ADGRG6: variants seen among roughly 807,000 people sequenced by gnomAD.
ADGRG6 encodes the protein G-protein coupled receptor 126.
In ADGRG6, 84 loss-of-function variants were observed where a neutral mutation model predicts 142.4. The observed-to-expected ratio is 0.59, with a 90% CI of 0.49 to 0.71. The LOEUF (loss-of-function observed/expected upper bound fraction) is 0.71, where lower values mean the gene tolerates loss of function less well. ADGRG6 is among the 30% of genes least tolerant of loss of function. The pLI, the probability that ADGRG6 is intolerant of heterozygous loss-of-function variation, is 0.00. For synonymous variants in ADGRG6, 521 were observed against 520.5 expected, an observed-to-expected ratio of 1.00 and a Z score of -0.01; for missense variants, 1,367 against 1,466.6, an observed-to-expected ratio of 0.93 and a Z score of 1.11.
intron 5 of ADGRG6, among the ~76,000 whole-genome samples, chr6:142,383,208 T>G (rs749377774): frequency 6.6e-6 from 1 of 152,224 alleles, no homozygotes; most frequent in Non-Finnish European, 1.5e-5. Context: ...CATCAATGTT[T>G]AGTAAACTTT....
intron 18 of ADGRG6, among the ~76,000 whole-genome samples, chr6:142,414,501 G>T (rs1278801612): frequency 2.0e-5 from 3 of 152,170 alleles, no homozygotes; most frequent in Non-Finnish European, 4.4e-5. Flanking sequence ...CACAGCACCA[G>T]CACCAGCCTC....
intron 2 of ADGRG6, among the ~76,000 whole-genome samples, chr6:142,334,449 C>T (rs1562318506): frequency 1.3e-5 from 2 of 152,318 alleles, no homozygotes; most frequent in East Asian, 3.9e-4. Flanking sequence ...TGTTACCTAA[C>T]TCTCCACACG....
At position 142,356,702 on chromosome 6, in the gene ADGRG6, C is replaced by G. The variant is rs1470429972; in HGVS notation, c.104-10867C>G. On this transcript the variant is annotated intron_variant, in intron 2 of 24. Transcript: ENST00000367609. ...TAGAGCCAAAAGGGATTTTTTTTTT[C>G]TTCAGATGTGGAAATCAGAACCTCG... 2.0e-5 allele frequency among the ~76,000 whole-genome samples: 3 copies of G among 147,314 alleles called. No individual in the cohort carries two copies. The East Asian group carries it at 6.0e-4, about 29-fold the overall frequency.
rs73777183 is a variant in ADGRG6 at position 142,361,923 on chromosome 6, A to C, written c.104-5646A>C. Reference sequence around the variant, plus strand: ...GCATACCCATGTGCTTGTGTGTCTAAGCCTCTTGCAAGTGATGTATATCTA... The same window carrying C: ...GCATACCCATGTGCTTGTGTGTCTACGCCTCTTGCAAGTGATGTATATCTA... On this transcript the variant is annotated intron_variant, in intron 2 of 24. Coordinates refer to ENST00000367609, the MANE Select transcript of ADGRG6 (RefSeq NM_198569.3). 1.4e-3 allele frequency among the ~76,000 whole-genome samples: 217 copies of C among 152,190 alleles called. 1 individual carries two copies. The highest frequency in any genetic ancestry group is 5.1e-3 in the African/African-American group (210 of 41,530).
At chr6:142,387,357 G>A (rs577026696) in intron 6 of ADGRG6, among the ~76,000 whole-genome samples, 1 of 152,276 alleles carries the variant, frequency 6.6e-6, no homozygotes, top group East Asian at 1.9e-4. Flanking sequence ...TAGTTTACAA[G>A]TAAGTACAGA....
intron 7 of ADGRG6, among the ~76,000 whole-genome samples, chr6:142,392,740 A>G (rs781431328): frequency 9.9e-4 from 150 of 152,084 alleles, no homozygotes; most frequent in Non-Finnish European, 1.7e-3. Context: ...GGTTGTTGTG[A>G]GGATTGAAAG....
At chr6:142,431,632 T>A (rs1336933142) in intron 22 of ADGRG6, among the ~76,000 whole-genome samples, 1 of 151,758 alleles carries the variant, frequency 6.6e-6, no homozygotes, top group Non-Finnish European at 1.5e-5. Flanking sequence ...GGGAAAAAAA[T>A]GATAGAAAGA....
At chr6:142,322,753 A>G (rs888209427) in intron 2 of ADGRG6, among the ~76,000 whole-genome samples, 7 of 152,120 alleles carry the variant, frequency 4.6e-5, no homozygotes, top group Non-Finnish European at 1.0e-4. Context: ...TTTTTATTGT[A>G]TGCTTACTTG....
chr6:142,390,361 T>A lies in ADGRG6; in HGVS notation c.1308+18T>A. 6.8e-7 allele frequency: 1 copy of A among 1,472,206 alleles called. No individual in the cohort carries two copies. The highest frequency in any genetic ancestry group is 9.4e-7 in the Non-Finnish European group (1 of 1,066,344). 91.2% of individuals were successfully genotyped at this position (1,472,206 alleles called of 1,614,324 possible). A position where few individuals can be genotyped will look rare whatever the true frequency, so the allele number is the denominator to read the frequency against. On this transcript the variant is annotated intron_variant, in intron 7 of 24. Transcript: ENST00000367609. ...CAGAATGGGTAAGTGAGCTTGTAACTTTTCTTTTTTAAAAAAATTCTTTAA... is the reference window on the plus strand; with the variant it reads ...CAGAATGGGTAAGTGAGCTTGTAACATTTCTTTTTTAAAAAAATTCTTTAA...
intron 22 of ADGRG6, among the ~76,000 whole-genome samples, chr6:142,426,389 A>G (rs754474959): frequency 6.6e-6 from 1 of 152,226 alleles, no homozygotes; most frequent in Non-Finnish European, 1.5e-5. Context: ...TTAAGATTCC[A>G]AAATCATCTC....
At chr6:142,328,520 C>T (rs1377595549) in intron 2 of ADGRG6, among the ~76,000 whole-genome samples, 1 of 152,116 alleles carries the variant, frequency 6.6e-6, no homozygotes. Flanking sequence ...TTTTCTGATT[C>T]CATTTCTTTC....
chr6:142,407,567 A>G (rs1775871362), intron 15 of ADGRG6, among the ~76,000 whole-genome samples: 1 of 152,212 alleles, frequency 6.6e-6, no homozygotes, highest in African/African-American at 2.4e-5. Flanking sequence ...TATGGGACAG[A>G]TTTGATTTCC....
chr6:142,442,668 A>G (rs1777813758), intron 24 of ADGRG6, among the ~76,000 whole-genome samples: 1 of 152,062 alleles, frequency 6.6e-6, no homozygotes, highest in Non-Finnish European at 1.5e-5. Flanking sequence ...GCTACAATTA[A>G]AAAAATAATT....
At chr6:142,313,995 A>T (rs904187545) in intron 2 of ADGRG6, among the ~76,000 whole-genome samples, 2 of 152,196 alleles carry the variant, frequency 1.3e-5, no homozygotes, top group Non-Finnish European at 2.9e-5. Flanking sequence ...AAATGTGTGT[A>T]TGTGTGTTTC....
intron 2 of ADGRG6, among the ~76,000 whole-genome samples, chr6:142,334,223 A>G (rs1280232304): frequency 6.6e-6 from 1 of 152,230 alleles, no homozygotes; most frequent in African/African-American, 2.4e-5. Flanking sequence ...GAAGGAAGCT[A>G]AGAAGAATAA....
intron 14 of ADGRG6, 62 bp downstream of exon 14, chr6:142,404,035 T>G (rs1775673651): frequency 7.9e-7 from 1 of 1,264,446 alleles, no homozygotes; most frequent in Non-Finnish European, 1.1e-6. Flanking sequence ...AACTTGCTGA[T>G]CACTTAGCAG....
rs766447706 is a variant in ADGRG6 at position 142,405,688 on chromosome 6, A to G, written c.2128A>G (p.Met710Val). The G allele has an allele frequency of 6.2e-7, 1 of 1,606,904 alleles. No individual in the cohort carries two copies. The highest frequency in any genetic ancestry group is 1.7e-5 in the Admixed American group (1 of 59,768). ...LPSNNESYFQMDFESGQVDPL... is the reference protein window; with the variant it reads ...LPSNNESYFQVDFESGQVDPL... ...CAATATATCTGTGTGTGTGTGACAG[A>G]TGGATTTTGAGAGTGGACAAGTGGA... Residue 710 changes from methionine to valine, a missense_variant and splice_region_variant, in exon 15 of 25, where the codon ATG becomes GTG. Met to Val is a conservative substitution (Grantham distance 21). This residue lies in a region of ADGRG6 where 286 missense variants were observed against 371.4 expected (regional missense o/e 0.77). Transcript: ENST00000367609.
Position 142,367,889 on chromosome 6 carries a change from T to G in ADGRG6, c.424T>G (p.Phe142Val). 1 of 1,606,664 alleles carries G rather than the reference T, an allele frequency of 6.2e-7. No individual in the cohort carries two copies. The highest frequency in any genetic ancestry group is 1.7e-5 in the Admixed American group (1 of 59,934). ...TGACTTTAGCATCCAGAAGAAAGGTTTCAATGCCAGCTACATCAGAGGTAT... is the reference window on the plus strand; with the variant it reads ...TGACTTTAGCATCCAGAAGAAAGGTGTCAATGCCAGCTACATCAGAGGTAT... ...SSDFSIQKKGFNASYIRVAVS... is the reference protein window; with the variant it reads ...SSDFSIQKKGVNASYIRVAVS... The change falls in exon 3 of 25, where the codon TTC becomes GTC. Residue 142 changes from phenylalanine to valine, a missense_variant. Physicochemically the swap from Phe to Val is conservative, Grantham distance 50. Transcript: ENST00000367609.
chr6:142,337,280 G>A (rs1779362713), intron 2 of ADGRG6, among the ~76,000 whole-genome samples: 1 of 152,184 alleles, frequency 6.6e-6, no homozygotes, highest in African/African-American at 2.4e-5. Context: ...TGAACAAAGA[G>A]TTTCCACCTA....
Sources: allele counts gnomAD v4.1 joint callset (sites outside exome capture counted in the v4.1 genomes callset), GRCh38; gene constraint gnomAD v4.1.1; regional missense constraint gnomAD v4.1.1; transcripts MANE v1.5; gene names NCBI Gene and HGNC (gene_info 2026-07-23, HGNC 2026-07-21).